Variants in FAR1 observed in about 807,000 individuals in gnomAD.
The protein encoded by FAR1 is male sterility domain-containing protein 2.
FAR1 carries 22 observed loss-of-function variants against 61.1 expected under a neutral mutation model. The observed-to-expected ratio is 0.36, with a 90% confidence interval of 0.26 to 0.51. The LOEUF is 0.51. FAR1 is among the 20% of genes least tolerant of loss of function. The pLI, the probability that FAR1 is intolerant of heterozygous loss-of-function variation, is 0.95. For missense variants in FAR1, 359 were observed against 626.9 expected, an observed-to-expected ratio of 0.57 and a Z score of 4.56; for synonymous variants, 206 against 209.7, an observed-to-expected ratio of 0.98 and a Z score of 0.15.
At chr11:13,706,506 TTTAA>T (rs1322277056) in intron 3 of FAR1, among the ~76,000 whole-genome samples, 1 of 152,140 alleles carries the variant, frequency 6.6e-6, no homozygotes, top group Non-Finnish European at 1.5e-5. Flanking sequence ...TTTTTATTTT[TTTAA>T]TTGACAAAGG....
intron 3 of FAR1, among the ~76,000 whole-genome samples, chr11:13,705,875 A>T (rs1848426186): frequency 6.6e-6 from 1 of 152,136 alleles, no homozygotes; most frequent in Non-Finnish European, 1.5e-5. Flanking sequence ...CCTGTAACAG[A>T]ATATTCTCTG....
chr11:13,712,841 T>A, intron 7 of FAR1, 125 bp from the exon 8 acceptor site: 1 of 583,978 alleles, frequency 1.7e-6, no homozygotes, highest in Non-Finnish European at 2.9e-6. Context: ...TTAAGGATAA[T>A]TAAAAAAAAA....
chr11:13,693,875 A>G (rs1361625004), intron 1 of FAR1, among the ~76,000 whole-genome samples: 1 of 152,130 alleles, frequency 6.6e-6, no homozygotes, highest in Admixed American at 6.6e-5. Context: ...TAATTATGAA[A>G]AATTTGGACA....
chr11:13,672,291 T>C (rs1848013848), intron 1 of FAR1, among the ~76,000 whole-genome samples: 2 of 152,204 alleles, frequency 1.3e-5, no homozygotes, highest in African/African-American at 2.4e-5. Context: ...GCTTGCACTT[T>C]TTAGTTTTTT....
chr11:13,696,210 TC>T (rs1408888967), intron 2 of FAR1, among the ~76,000 whole-genome samples: 1 of 152,116 alleles, frequency 6.6e-6, no homozygotes, highest in African/African-American at 2.4e-5. Flanking sequence ...GATACTCCTC[TC>T]CCCCCAGTGA....
chr11:13,711,878 A>G, intron 6 of FAR1, 50 bp from the exon 7 acceptor site: 1 of 1,561,166 alleles, frequency 6.4e-7, no homozygotes, highest in South Asian at 1.1e-5. Flanking sequence ...TTAAATATAT[A>G]TACACTATGG....
chr11:13,686,689 A>C (rs547744781), intron 1 of FAR1: 1 of 143,974 alleles, frequency 6.9e-6, no homozygotes, highest in South Asian at 2.3e-4. Context: ...GAATACTCCA[A>C]TCTCTCCTTT....
rs970344874 is a variant in FAR1, at chr11:13,680,181, A to T, written c.-8+11375A>T. ...GAAAAAGGAACCCACTGTTATTAGG[A>T]GCTTGACTACACTAAATAATTTGTA... On this transcript the variant is annotated intron_variant, in intron 1 of 11. Coordinates refer to ENST00000354817, the MANE Select transcript of FAR1 (RefSeq NM_032228.6). 2.6e-5 allele frequency among the ~76,000 whole-genome samples: 4 copies of T among 152,300 alleles called. No individual in the cohort carries two copies. The East Asian group carries it at 7.7e-4, about 29-fold the overall frequency.
chr11:13,718,440 C>A (rs560946093), intron 9 of FAR1, among the ~76,000 whole-genome samples: 1 of 152,324 alleles, frequency 6.6e-6, no homozygotes, highest in South Asian at 2.1e-4. Context: ...GTCCTCACTT[C>A]AAGCCCTCAC....
rs562812492 is a variant in FAR1 at position 13,705,029 on chromosome 11, G to A, written c.366-2871G>A. ...CCTAAGATGCCTGTAGAAGAAAGAC[G>A]AACAAGAAAATGTATTGGCACTTCA... On this transcript the variant is annotated intron_variant, in intron 3 of 11. Coordinates refer to ENST00000354817, the MANE Select transcript of FAR1 (RefSeq NM_032228.6). 4.6e-5 allele frequency among the ~76,000 whole-genome samples: 7 copies of A among 152,142 alleles called. No homozygotes were observed. The South Asian group carries it at 8.3e-4, about 18-fold the overall frequency.
At chr11:13,708,458 CACACACACACACACACACATACAT>C (rs1413760174) in intron 4 of FAR1, among the ~76,000 whole-genome samples, 1 of 147,108 alleles carries the variant, frequency 6.8e-6, no homozygotes, top group Non-Finnish European at 1.5e-5. Flanking sequence ...CACACACACA[CACACACACACACACACACATACAT>C]TTATCTCTTT....
chr11:13,684,444 C>A (rs538192141), intron 1 of FAR1, among the ~76,000 whole-genome samples: 1 of 152,238 alleles, frequency 6.6e-6, no homozygotes, highest in South Asian at 2.1e-4. Flanking sequence ...AATTGTGTGC[C>A]CAGTCTTTTG....
chr11:13,672,544 C>CAAA (rs34377920), intron 1 of FAR1, among the ~76,000 whole-genome samples: 38 of 111,502 alleles, frequency 3.4e-4, no homozygotes, highest in African/African-American at 6.8e-4. Context: ...GACCCTGTCT[C>CAAA]AAAAAAAAAA....
chr11:13,715,874 C>G (rs972702555), intron 9 of FAR1: 1 of 151,990 alleles, frequency 6.6e-6, no homozygotes, highest in African/African-American at 2.4e-5. Context: ...GAACTTCCAT[C>G]AACTACTCAA....
chr11:13,716,608 A>G (rs1443780805), intron 9 of FAR1, among the ~76,000 whole-genome samples: 1 of 152,194 alleles, frequency 6.6e-6, no homozygotes, highest in East Asian at 1.9e-4. Context: ...CTTCTTATAT[A>G]GCAGCTGATG....
intron 4 of FAR1, among the ~76,000 whole-genome samples, chr11:13,708,447 G>GCGCACGCACACACA (rs139902063): frequency 1.1e-4 from 15 of 136,732 alleles, no homozygotes; most frequent in Non-Finnish European, 2.2e-4. Context: ...GCGCGCGCGC[G>GCGCACGCACACACA]CACACACACA....
At chr11:13,700,995 A>G (rs571168549) in intron 3 of FAR1, among the ~76,000 whole-genome samples, 105 of 152,132 alleles carry the variant, frequency 6.9e-4, no homozygotes, top group Non-Finnish European at 8.7e-4. Context: ...AATTTAAAAA[A>G]TAATTTAGAC....
chr11:13,723,441 C>CGGTA, intron 10 of FAR1: 1 of 389,310 alleles, frequency 2.6e-6, no homozygotes, highest in Non-Finnish European at 4.9e-6. Context: ...GTTGAAAAGT[C>CGGTA]GGTAGTTGGC....
In FAR1 at chr11:13,731,670, T is replaced by C. The variant is rs991724984; in HGVS notation, c.*2896T>C. ...CTTACACAGCATTTTAGGGAAAGAA[T>C]ACAGGCAGGATGACACTTTGTGTTA... On this transcript the variant is annotated 3_prime_UTR_variant, in exon 12 of 12. Coordinates refer to ENST00000354817, the MANE Select transcript of FAR1 (RefSeq NM_032228.6). The C allele has an allele frequency of 6.6e-6, 1 of 152,156 alleles. No homozygotes were observed. The highest frequency in any genetic ancestry group is 1.5e-5 in the Non-Finnish European group (1 of 68,026). The allele number at this position is 152,156 out of a possible 1,614,324, so 9.4% of individuals were successfully genotyped here. A position where few individuals can be genotyped will look rare whatever the true frequency, so the allele number is the denominator to read the frequency against.
Sources: allele counts gnomAD v4.1 joint callset (sites outside exome capture counted in the v4.1 genomes callset), GRCh38; gene constraint gnomAD v4.1.1; transcripts MANE v1.5; gene names NCBI Gene and HGNC (gene_info 2026-07-23, HGNC 2026-07-21).